CENPP: variants seen among roughly 807,000 people sequenced by gnomAD.
CENPP encodes centromere protein P.
Under a neutral mutation model 35.6 loss-of-function variants are expected in CENPP, and 24 were observed. That is an observed-to-expected ratio of 0.67 (90% CI 0.49 to 0.95). CENPP has a LOEUF of 0.95. Ranked by LOEUF, CENPP falls within the 40% of genes least tolerant of loss-of-function variation. CENPP has a pLI of 0.00. For missense variants in CENPP, 332 were observed against 345.3 expected (o/e 0.96, Z 0.31); for synonymous variants, 120 against 125.5 (o/e 0.96, Z 0.29).
intron 5 of CENPP, among the ~76,000 whole-genome samples, chr9:92,591,863 T>C (rs1477418748): frequency 6.6e-6 from 1 of 152,160 alleles, no homozygotes; most frequent in African/African-American, 2.4e-5. Flanking sequence ...ATAAATTTAA[T>C]TTATTTCGTT....
chr9:92,328,568 G>A (rs756578034), intron 1 of CENPP, among the ~76,000 whole-genome samples: 2 of 152,236 alleles, frequency 1.3e-5, no homozygotes, highest in African/African-American at 2.4e-5. Flanking sequence ...ATTTAGAAGA[G>A]TACTTGCCTC....
intron 5 of CENPP, among the ~76,000 whole-genome samples, chr9:92,475,891 A>C (rs1006893660): frequency 1.3e-5 from 2 of 152,250 alleles, no homozygotes; most frequent in African/African-American, 4.8e-5. Context: ...TTTAAAATGC[A>C]CACAAAACAG....
chr9:92,431,878 T>A (rs1844118315), intron 5 of CENPP, among the ~76,000 whole-genome samples: 3 of 152,188 alleles, frequency 2.0e-5, no homozygotes, highest in Admixed American at 6.5e-5. Context: ...TGGCCTTTAC[T>A]CATTTTTCTA....
At chr9:92,327,710 A>G (rs371089012) in intron 1 of CENPP, among the ~76,000 whole-genome samples, 2 of 152,204 alleles carry the variant, frequency 1.3e-5, no homozygotes, top group East Asian at 3.8e-4. Flanking sequence ...CTCTTGTCCT[A>G]TCAAAGCCTG....
chr9:92,552,800 A>C (rs1336798376), intron 5 of CENPP, among the ~76,000 whole-genome samples: 2 of 151,680 alleles, frequency 1.3e-5, no homozygotes, highest in Admixed American at 1.3e-4. Context: ...TTGTCTGTTT[A>C]CTCTGCTGAC....
At chr9:92,521,393 T>A (rs1201997649) in intron 5 of CENPP, among the ~76,000 whole-genome samples, 1 of 152,226 alleles carries the variant, frequency 6.6e-6, no homozygotes, top group East Asian at 1.9e-4. Flanking sequence ...GTTTTTAAGT[T>A]GATTTCTCTT....
chr9:92,485,639 AAT>A (rs774012544), intron 5 of CENPP, among the ~76,000 whole-genome samples: 14 of 152,198 alleles, frequency 9.2e-5, no homozygotes, highest in Non-Finnish European at 1.8e-4. Flanking sequence ...TCCAAACACA[AAT>A]AAGAACAGGG....
chr9:92,431,338 C>T (rs1391154113), intron 5 of CENPP, among the ~76,000 whole-genome samples: 1 of 152,144 alleles, frequency 6.6e-6, no homozygotes, highest in African/African-American at 2.4e-5. Flanking sequence ...GATTGATGCA[C>T]TGTTGGCATT....
At chr9:92,454,972 A>G (rs1844832421) in intron 5 of CENPP, among the ~76,000 whole-genome samples, 1 of 152,118 alleles carries the variant, frequency 6.6e-6, no homozygotes, top group Non-Finnish European at 1.5e-5. Context: ...CAGATATGTC[A>G]TTTTAGAAAT....
At chr9:92,423,154 T>C (rs573548386) in intron 5 of CENPP, among the ~76,000 whole-genome samples, 2 of 152,336 alleles carry the variant, frequency 1.3e-5, no homozygotes, top group African/African-American at 4.8e-5. Context: ...ACTGTTCCTT[T>C]TTCTATTGAA....
intron 5 of CENPP, among the ~76,000 whole-genome samples, chr9:92,442,910 G>T (rs569808792): frequency 6.6e-6 from 1 of 151,478 alleles, no homozygotes; most frequent in Non-Finnish European, 1.5e-5. Flanking sequence ...TTTTAGGAAG[G>T]TGACTTAATT....
At chr9:92,507,993 T>C (rs1847106523) in intron 5 of CENPP, among the ~76,000 whole-genome samples, 1 of 152,144 alleles carries the variant, frequency 6.6e-6, no homozygotes, top group South Asian at 2.1e-4. Flanking sequence ...CTTTGTGCTG[T>C]TTTCTCTCCC....
At chr9:92,341,469 C>G (rs1171361775) in intron 3 of CENPP, 1 of 152,200 alleles carries the variant, frequency 6.6e-6, no homozygotes, top group Non-Finnish European at 1.5e-5. Flanking sequence ...CCCCTGGACG[C>G]CCAGCTTTAA....
intron 5 of CENPP, among the ~76,000 whole-genome samples, chr9:92,584,675 G>A (rs1850502076): frequency 6.6e-6 from 1 of 152,196 alleles, no homozygotes. Context: ...AGGCTGTTAT[G>A]TGTGAGGAAC....
At chr9:92,571,179 C>T (rs1207072644) in intron 5 of CENPP, among the ~76,000 whole-genome samples, 3 of 152,052 alleles carry the variant, frequency 2.0e-5, no homozygotes, top group Non-Finnish European at 2.9e-5. Flanking sequence ...GTTAGGGTGT[C>T]GATTTTAGAT....
chr9:92,571,495 T>G (rs1386511020), intron 5 of CENPP, among the ~76,000 whole-genome samples: 1 of 152,222 alleles, frequency 6.6e-6, no homozygotes, highest in Non-Finnish European at 1.5e-5. Context: ...GTGCTTTACT[T>G]CCAACTATGT....
At chr9:92,511,368 G>C (rs947127907) in intron 5 of CENPP, among the ~76,000 whole-genome samples, 3 of 151,120 alleles carry the variant, frequency 2.0e-5, no homozygotes, top group African/African-American at 4.8e-5. Context: ...CTCATGATCC[G>C]CCCATCTTGG....
At chr9:92,500,782 C>G (rs1211295217) in intron 5 of CENPP, 1 of 1,614,076 alleles carries the variant, frequency 6.2e-7, no homozygotes, top group South Asian at 1.1e-5. Context: ...TCTTGTATCC[C>G]AGGTGGTATA....
chr9:92,611,850 G>A (rs547456425), intron 6 of CENPP, among the ~76,000 whole-genome samples: 20 of 152,216 alleles, frequency 1.3e-4, no homozygotes, highest in Non-Finnish European at 2.2e-4. Flanking sequence ...TCCCTTGGCT[G>A]TGCATGTGTG....
Sources: allele counts gnomAD v4.1 joint callset (sites outside exome capture counted in the v4.1 genomes callset), GRCh38; gene constraint gnomAD v4.1.1; transcripts MANE v1.5; gene names NCBI Gene and HGNC (gene_info 2026-07-23, HGNC 2026-07-21).